The following OVGP1 variants were observed in gnomAD, a reference collection of about 807,000 sequenced individuals.
The protein encoded by OVGP1 is oviductal glycoprotein 1.
In OVGP1, 26 loss-of-function variants were observed where a neutral mutation model predicts 48.2. That is an observed-to-expected ratio of 0.54 (90% CI 0.40 to 0.75). The LOEUF is 0.75. Among genes scored for constraint, OVGP1 ranks in the 30% least tolerant of loss-of-function variants. OVGP1 has a pLI of 0.00. For synonymous variants in OVGP1, 294 were observed against 305.7 expected, an observed-to-expected ratio of 0.96 and a Z score of 0.40; for missense variants, 791 against 820.6, an observed-to-expected ratio of 0.96 and a Z score of 0.44.
intron 10 of OVGP1, among the ~76,000 whole-genome samples, 179 bp from the exon 11 acceptor site, chr1:111,415,523 GC>G (rs1652112888): frequency 6.6e-6 from 1 of 152,094 alleles, no homozygotes; most frequent in African/African-American, 2.4e-5. Flanking sequence ...TAGAAGCCTT[GC>G]TCCAGACCCC....
intron 8 of OVGP1, 37 bp from the exon 9 acceptor site, chr1:111,419,763 C>T (rs1258307590): frequency 1.6e-6 from 2 of 1,239,920 alleles, no homozygotes; most frequent in Non-Finnish European, 1.2e-6. Context: ...CTGGGAAGTG[C>T]CATGGAGATA....
chr1:111,415,235 C>T lies in OVGP1; in HGVS notation c.1266G>A (p.Lys422=). The T allele has an allele frequency of 6.2e-7, 1 of 1,614,186 alleles. No homozygotes were observed. Among genetic ancestry groups the T allele is most frequent in the Middle Eastern group, 1.6e-4 (1 of 6,062 alleles). ...AVTTAWTTDS[K]ILPPGGEAGV... is the part of the protein sequence containing the mutation. ...CAGCCTCTCCTCCTGGGGGCAAAAT[C>T]TTACTATCAGTGGTCCATGCCGTGG... The change falls in exon 11 of 11, where the codon AAG becomes AAA. Residue 422 remains lysine, a synonymous_variant. Coordinates refer to ENST00000369732, the MANE Select transcript of OVGP1 (RefSeq NM_002557.4).
intron 4 of OVGP1, 77 bp downstream of exon 4, chr1:111,425,306 G>A: frequency 6.4e-7 from 1 of 1,562,418 alleles, no homozygotes; most frequent in Non-Finnish European, 8.8e-7. Flanking sequence ...TGGCCAAGCT[G>A]CCTTCCCCCT....
At chr1:111,425,606 G>A (rs1652379885) in intron 3 of OVGP1, 167 bp from the exon 4 acceptor site, 4 of 1,242,590 alleles carry the variant, frequency 3.2e-6, no homozygotes, top group Non-Finnish European at 4.5e-6. Context: ...GATGAGCACA[G>A]GAGAGAGGAG....
chr1:111,422,540 A>C (rs1272452609), intron 6 of OVGP1, among the ~76,000 whole-genome samples: 1 of 152,174 alleles, frequency 6.6e-6, no homozygotes, highest in East Asian at 1.9e-4. Flanking sequence ...TTTTTGTGAC[A>C]GTGATTATTA....
chr1:111,424,382 G>A (rs1652349013), intron 4 of OVGP1, among the ~76,000 whole-genome samples: 1 of 152,108 alleles, frequency 6.6e-6, no homozygotes, highest in African/African-American at 2.4e-5. Flanking sequence ...GCAACTCTGG[G>A]GTAATCCTGA....
chr1:111,416,602 G>T, intron 9 of OVGP1, 144 bp from the exon 10 acceptor site: 3 of 571,218 alleles, frequency 5.3e-6, no homozygotes, highest in Non-Finnish European at 8.5e-6. Flanking sequence ...AGCTTTTACT[G>T]TTTATTAGCT....
At chr1:111,425,823 A>C (rs1652385578) in intron 3 of OVGP1, among the ~76,000 whole-genome samples, 1 of 152,238 alleles carries the variant, frequency 6.6e-6, no homozygotes, top group Non-Finnish European at 1.5e-5. Flanking sequence ...ACAAAGAACA[A>C]CACAGATAAG....
At chr1:111,415,743 T>C (rs1652119850) in intron 10 of OVGP1, among the ~76,000 whole-genome samples, 1 of 152,212 alleles carries the variant, frequency 6.6e-6, no homozygotes, top group Non-Finnish European at 1.5e-5. Flanking sequence ...TATGTCTCTA[T>C]GTTGTAGGAG....
intron 1 of OVGP1, 142 bp from the exon 2 acceptor site, chr1:111,427,233 A>G (rs982353961): frequency 9.3e-6 from 14 of 1,504,020 alleles, no homozygotes; most frequent in South Asian, 1.3e-5. Context: ...GGACACACAC[A>G]CCATTTACTC....
chr1:111,426,929 G>A, intron 2 of OVGP1, 133 bp downstream of exon 2: 3 of 1,561,636 alleles, frequency 1.9e-6, no homozygotes, highest in Non-Finnish European at 2.6e-6. Context: ...AAAATCCTCT[G>A]AGAAACTGTG....
At chr1:111,425,354 G>A (rs368154632) in intron 4 of OVGP1, 29 bp downstream of exon 4, 28 of 1,613,096 alleles carry the variant, frequency 1.7e-5, no homozygotes, top group Non-Finnish European at 2.3e-5. Flanking sequence ...CACCCTCCCA[G>A]GGAGAAGAGA....
Position 111,427,106 on chromosome 1 carries a change from G to A in OVGP1, c.26-15C>T. On this transcript the variant is annotated splice_polypyrimidine_tract_variant and intron_variant, in intron 1 of 10. Transcript: ENST00000369732. ...AAGAACCAGCCCTGTGAGAAACAAAGGAAGGAGTCACACAGAGATTCATAC... is the reference window on the plus strand; with the variant it reads ...AAGAACCAGCCCTGTGAGAAACAAAAGAAGGAGTCACACAGAGATTCATAC... The A allele has an allele frequency of 6.2e-7, 1 of 1,614,036 alleles. No individual in the cohort carries two copies. Among genetic ancestry groups the A allele is most frequent in the African/African-American group, 1.3e-5 (1 of 75,004 alleles).
In OVGP1 at chr1:111,423,091, CAG is replaced by C. The variant is rs1204686333; in HGVS notation, c.484-42_484-41del. ...AGAAAGACACAGAGAACTGGACAAA[CAG>C]AGAGGCGGGGCCTGGGGGGAGTGTC... On this transcript the variant is annotated intron_variant, in intron 5 of 10. Coordinates refer to ENST00000369732, the MANE Select transcript of OVGP1 (RefSeq NM_002557.4). 1.1e-5 allele frequency: 17 copies of C among 1,612,148 alleles called. No homozygotes were observed. In the Admixed American group the frequency reaches 2.3e-4, roughly 22 times the overall value.
At chr1:111,423,309 G>A (rs948349182) in intron 5 of OVGP1, among the ~76,000 whole-genome samples, 1 of 152,212 alleles carries the variant, frequency 6.6e-6, no homozygotes, top group African/African-American at 2.4e-5. Context: ...GGAGTGCAGG[G>A]AGCTGCAGAG....
In OVGP1 at chr1:111,427,374, G is replaced by A. The variant is rs1270162245; in HGVS notation, c.26-283C>T. On this transcript the variant is annotated intron_variant, in intron 1 of 10. Coordinates refer to ENST00000369732, the MANE Select transcript of OVGP1 (RefSeq NM_002557.4). ...GTTAGAAGTCCCAGAAAAAGCTCGA[G>A]GCCAGTGGTTCTGAACCCTGGCTGC... 7 of 985,256 alleles carry A rather than the reference G, an allele frequency of 7.1e-6. No individual in the cohort carries two copies. The African/African-American group carries it at 8.7e-5, about 12-fold the overall frequency. 61.0% of individuals were successfully genotyped at this position (985,256 alleles called of 1,614,324 possible).
At chr1:111,425,538 A>G in intron 3 of OVGP1, 99 bp from the exon 4 acceptor site, 3 of 1,572,298 alleles carry the variant, frequency 1.9e-6, no homozygotes, top group Non-Finnish European at 2.6e-6. Context: ...AAAACAGGAA[A>G]CAGGAGAGAT....
intron 8 of OVGP1, among the ~76,000 whole-genome samples, chr1:111,420,129 G>A (rs966985924): frequency 3.3e-5 from 5 of 152,162 alleles, no homozygotes; most frequent in African/African-American, 1.2e-4. Flanking sequence ...CCCCATATAG[G>A]TGGTTCTCAA....
At chr1:111,415,850 A>G (rs959958978) in intron 10 of OVGP1, among the ~76,000 whole-genome samples, 1 of 152,224 alleles carries the variant, frequency 6.6e-6, no homozygotes, top group Non-Finnish European at 1.5e-5. Context: ...ACTGAGCTCC[A>G]GTCGCATTAC....
Sources: gnomAD v4.1 joint callset for allele counts (sites outside exome capture counted in the v4.1 genomes callset) on GRCh38, gnomAD v4.1.1 for gene constraint, MANE v1.5 for transcripts, NCBI Gene and HGNC (gene_info 2026-07-23, HGNC 2026-07-21) for gene names.